FAM111B: variants seen among roughly 807,000 people sequenced by gnomAD.
The protein encoded by FAM111B is serine protease FAM111B.
A neutral mutation model predicts 2.8 loss-of-function variants in FAM111B; 1 was observed. That is an observed-to-expected ratio of 0.36 (90% confidence interval 0.13 to 1.70). FAM111B has a LOEUF of 1.70. FAM111B is among the 40% of genes most tolerant of loss of function. The probability of loss-of-function intolerance (pLI) is 0.35; values close to 1 mark genes in which losing one functional copy is unlikely to be tolerated. For synonymous variants in FAM111B, 297 were observed against 295.6 expected, an observed-to-expected ratio of 1.00 and a Z score of -0.05; for missense variants, 882 against 878.9, an observed-to-expected ratio of 1.00 and a Z score of -0.04.
chr11:59,124,513 G>C lies in FAM111B; in HGVS notation c.416G>C (p.Gly139Ala). Residue 139 changes from glycine to alanine, a missense_variant, in exon 4 of 4, where the codon GGA becomes GCA. Gly to Ala is a moderately conservative substitution (Grantham distance 60). Coordinates refer to ENST00000343597, the MANE Select transcript of FAM111B (RefSeq NM_198947.4). Reference protein sequence around the residue: ...IIVYEEKTIDGHINLGMPLKC... With the variant: ...IIVYEEKTIDAHINLGMPLKC... ...GTTTATGAAGAAAAGACAATAGATG[G>C]ACATATAAATTTAGGAATGCCTCTC... 1 of 1,613,244 alleles carries C rather than the reference G, an allele frequency of 6.2e-7. No individual in the cohort carries two copies. Among genetic ancestry groups the C allele is most frequent in the Non-Finnish European group, 8.5e-7 (1 of 1,179,582 alleles).
chr11:59,110,556 C>G (rs529573221), intron 3 of FAM111B, among the ~76,000 whole-genome samples: 2 of 152,106 alleles, frequency 1.3e-5, no homozygotes, highest in African/African-American at 4.8e-5. Context: ...GTTCTAATTA[C>G]AAAAATAATA....
intron 3 of FAM111B, among the ~76,000 whole-genome samples, chr11:59,122,904 C>T (rs1256576540): frequency 6.6e-6 from 1 of 152,166 alleles, no homozygotes; most frequent in African/African-American, 2.4e-5. Flanking sequence ...CCTGATTTTA[C>T]TCTCTCCAGG....
Position 59,126,523 on chromosome 11 carries a change from A to G in FAM111B, c.*221A>G. On this transcript the variant is annotated 3_prime_UTR_variant, in exon 4 of 4. Coordinates refer to ENST00000343597, the MANE Select transcript of FAM111B (RefSeq NM_198947.4). ...ATACAGCAAAGATCTAATATTCAGA[A>G]TCCATTAGGAACTTAAACAGATTAA... The G allele has an allele frequency of 2.6e-6, 1 of 391,760 alleles. No homozygotes were observed. The highest frequency in any genetic ancestry group is 4.5e-6 in the Non-Finnish European group (1 of 222,062). 24.3% of individuals were successfully genotyped at this position (391,760 alleles called of 1,614,324 possible). A position where few individuals can be genotyped will look rare whatever the true frequency, so the allele number is the denominator to read the frequency against.
chr11:59,125,003 GA>G lies in FAM111B; in HGVS notation c.912del (p.Val305SerfsTer13). 2 of 1,612,502 alleles carry G rather than the reference GA, an allele frequency of 1.2e-6. No homozygotes were observed. The highest frequency in any genetic ancestry group is 1.1e-5 in the South Asian group (1 of 90,706). On this transcript the variant is annotated frameshift_variant, in exon 4 of 4. Coordinates refer to ENST00000343597, the MANE Select transcript of FAM111B (RefSeq NM_198947.4). LOFTEE classifies it low-confidence loss of function (END_TRUNC). ...ATCACCAGAGTCTGATACAGTCTAAGAAAAAAGTCCACAAACCAAAGAAAGA... is the reference window on the plus strand; with the variant it reads ...ATCACCAGAGTCTGATACAGTCTAAGAAAAAGTCCACAAACCAAAGAAAGA... ...INHQSLIQSK[K>X]KVHKPKKDGE...
chr11:59,108,483 C>G (rs1334069308), intron 1 of FAM111B, among the ~76,000 whole-genome samples, 185 bp from the exon 2 acceptor site: 2 of 152,128 alleles, frequency 1.3e-5, no homozygotes, highest in Non-Finnish European at 2.9e-5. Context: ...TCTGGAATTC[C>G]TACTGGTTTT....
In FAM111B at chr11:59,124,904, A is replaced by C. The variant is rs974698808; in HGVS notation, c.807A>C (p.Ser269=). 15 of 1,340,466 alleles carry C rather than the reference A, an allele frequency of 1.1e-5. No homozygotes were observed. The highest frequency in any genetic ancestry group is 2.9e-5 in the South Asian group (2 of 68,362). The allele number at this position is 1,340,466 out of a possible 1,614,324, so 83.0% of individuals were successfully genotyped here. ...GAAAAGTCTTAGAAATGGACATTTC[A>C]AAAAAAAAAGCATTACAACAGAAAG... ...VSGKVLEMDI[S]KKKALQQKDI... The change falls in exon 4 of 4, where the codon TCA becomes TCC. Residue 269 remains serine (S), a synonymous_variant. Transcript: ENST00000343597.
chr11:59,111,930 C>A (rs1278654187), intron 3 of FAM111B, among the ~76,000 whole-genome samples: 1 of 152,138 alleles, frequency 6.6e-6, no homozygotes, highest in Non-Finnish European at 1.5e-5. Context: ...AACCCCCACA[C>A]CCAATTAATT....
chr11:59,112,336 G>A (rs1290985645), intron 3 of FAM111B, among the ~76,000 whole-genome samples: 1 of 152,146 alleles, frequency 6.6e-6, no homozygotes, highest in African/African-American at 2.4e-5. Flanking sequence ...TGCACTGATA[G>A]GTTTTTTCTT....
At chr11:59,110,387 G>T (rs1859739974) in intron 3 of FAM111B, among the ~76,000 whole-genome samples, 2 of 152,170 alleles carry the variant, frequency 1.3e-5, no homozygotes. Context: ...GTGGTTGTTG[G>T]GCTGGGAATA....
chr11:59,123,432 C>T (rs1859954048), intron 3 of FAM111B, among the ~76,000 whole-genome samples: 1 of 152,108 alleles, frequency 6.6e-6, no homozygotes, highest in Admixed American at 6.6e-5. Context: ...ATACAATTCT[C>T]TGGAAGGCAG....
rs1353121048 is a variant in FAM111B at position 59,125,962 on chromosome 11, G to A, written c.1865G>A (p.Cys622Tyr). ...TATGATACCACCAGTAATGTATACTGTATGTTTACCCAAAGAAGTTTCCTA... is the reference window on the plus strand; with the variant it reads ...TATGATACCACCAGTAATGTATACTATATGTTTACCCAAAGAAGTTTCCTA... ...DLYDTTSNVYCMFTQRSFLSE... is the reference protein window; with the variant it reads ...DLYDTTSNVYYMFTQRSFLSE... The change falls in exon 4 of 4, where the codon TGT (cysteine) becomes TAT (tyrosine). Residue 622 changes from cysteine (C) to tyrosine (Y), a missense_variant. Physicochemically the swap from Cys to Tyr is radical, Grantham distance 194. Transcript: ENST00000343597. The A allele has an allele frequency of 3.7e-6, 6 of 1,613,754 alleles. No individual in the cohort carries two copies. In the South Asian group the frequency reaches 4.4e-5, roughly 12 times the overall value.
At chr11:59,117,668 C>T (rs79133462) in intron 3 of FAM111B, among the ~76,000 whole-genome samples, 2 of 152,160 alleles carry the variant, frequency 1.3e-5, no homozygotes, top group African/African-American at 4.8e-5. Context: ...TTTCACAGGG[C>T]AAGCTGGGAC....
chr11:59,114,241 G>A (rs1479604016), intron 3 of FAM111B, among the ~76,000 whole-genome samples: 1 of 152,210 alleles, frequency 6.6e-6, no homozygotes, highest in African/African-American at 2.4e-5. Flanking sequence ...GGGACCAAGG[G>A]GAGAGGAGCT....
chr11:59,110,687 G>C (rs996906021), intron 3 of FAM111B, among the ~76,000 whole-genome samples: 9 of 152,236 alleles, frequency 5.9e-5, no homozygotes, highest in African/African-American at 2.2e-4. Context: ...TATGCATTTT[G>C]TATGTCTAAA....
At chr11:59,122,043 T>C (rs2135402232) in intron 3 of FAM111B, among the ~76,000 whole-genome samples, 1 of 152,296 alleles carries the variant, frequency 6.6e-6, no homozygotes, top group African/African-American at 2.4e-5. Context: ...CTCAGGAGGC[T>C]GAGGCAGAGA....
At position 59,126,937 on chromosome 11, in the gene FAM111B, T is replaced by C. The variant is rs1255388300; in HGVS notation, c.*635T>C. On this transcript the variant is annotated 3_prime_UTR_variant, in exon 4 of 4. Transcript: ENST00000343597. ...TTGTTCTACCATAAAGACATGCACA[T>C]ATATGTTCACTGCAGCACTATTCAC... The C allele has an allele frequency of 1.3e-5, 2 of 154,304 alleles. No individual in the cohort carries two copies. Among genetic ancestry groups the C allele is most frequent in the Non-Finnish European group, 1.5e-5 (1 of 68,034 alleles). The allele number at this position is 154,304 out of a possible 1,614,324, so 9.6% of individuals were successfully genotyped here. A position where few individuals can be genotyped will look rare whatever the true frequency, so the allele number is the denominator to read the frequency against.
chr11:59,125,552 T>G lies in FAM111B; in HGVS notation c.1455T>G (p.Ile485Met). 1 of 1,613,936 alleles carries G rather than the reference T, an allele frequency of 6.2e-7. No individual in the cohort carries two copies. The highest frequency in any genetic ancestry group is 8.5e-7 in the Non-Finnish European group (1 of 1,179,840). The change falls in exon 4 of 4, where the codon ATT becomes ATG. Residue 485 changes from isoleucine (I) to methionine (M), a missense_variant. Transcript: ENST00000343597. ...GCTTTGTCTTCAATGGTGGTTATATTTTCACCTGTCGACATGTTGTACATC... is the reference window on the plus strand; with the variant it reads ...GCTTTGTCTTCAATGGTGGTTATATGTTCACCTGTCGACATGTTGTACATC... Reference protein sequence around the residue: ...ATCFVFNGGYIFTCRHVVHLM... With the variant: ...ATCFVFNGGYMFTCRHVVHLM...
rs777188479 is a variant in FAM111B, at chr11:59,126,143, AT to A, written c.2049del (p.Phe683LeufsTer23). ...RGFNVHALIE[F>X]GYSMDSILCD... ...GATTTAATGTGCATGCCCTTATTGA[AT>A]TTGGTTATTCTATGGATTCTATTCT... On this transcript the variant is annotated frameshift_variant, in exon 4 of 4. Transcript: ENST00000343597. LOFTEE classifies it low-confidence loss of function (END_TRUNC). 2.5e-6 allele frequency: 4 copies of A among 1,612,510 alleles called. No homozygotes were observed. Among genetic ancestry groups the A allele is most frequent in the Non-Finnish European group, 3.4e-6 (4 of 1,179,522 alleles).
intron 3 of FAM111B, among the ~76,000 whole-genome samples, chr11:59,121,282 T>C (rs1467820697): frequency 6.6e-6 from 1 of 151,902 alleles, no homozygotes; most frequent in Non-Finnish European, 1.5e-5. Context: ...AAAAGAAAAA[T>C]AATCCAGTAT....
Sources: allele counts gnomAD v4.1 joint callset (sites outside exome capture counted in the v4.1 genomes callset), GRCh38; gene constraint gnomAD v4.1.1; transcripts MANE v1.5; gene names NCBI Gene and HGNC (gene_info 2026-07-23, HGNC 2026-07-21).